ATXN10: variants seen among roughly 807,000 people sequenced by gnomAD.
The protein encoded by ATXN10 is ataxin-10.
ATXN10 carries 28 observed loss-of-function variants against 52.9 expected under a neutral mutation model. That is an observed-to-expected ratio of 0.53 (90% CI 0.39 to 0.73). The LOEUF (loss-of-function observed/expected upper bound fraction) is 0.73. Among genes scored for constraint, ATXN10 ranks in the 30% least tolerant of loss-of-function variants. ATXN10 has a pLI of 0.00. For missense variants in ATXN10, 565 were observed against 577.0 expected (o/e 0.98, Z 0.21); for synonymous variants, 226 against 221.5 (o/e 1.02, Z -0.18).
intron 9 of ATXN10, among the ~76,000 whole-genome samples, chr22:45,749,167 C>T (rs1239688383): frequency 2.6e-5 from 4 of 152,178 alleles, no homozygotes; most frequent in Non-Finnish European, 4.4e-5. Context: ...CTGCATATTC[C>T]TCCCTAGGCT....
intron 7 of ATXN10, 21 bp downstream of exon 7, chr22:45,729,611 A>G (rs1304527643): frequency 6.2e-7 from 1 of 1,613,560 alleles, no homozygotes; most frequent in Non-Finnish European, 8.5e-7. Context: ...CAGATTTCCC[A>G]ATCTCGGGTA....
intron 5 of ATXN10, among the ~76,000 whole-genome samples, chr22:45,707,445 C>T (rs1267640047): frequency 6.6e-6 from 1 of 152,034 alleles, no homozygotes; most frequent in African/African-American, 2.4e-5. Flanking sequence ...TAGAAAACTT[C>T]CCTTTGTATG....
intron 9 of ATXN10, among the ~76,000 whole-genome samples, chr22:45,776,200 A>G (rs1926949224): frequency 6.6e-6 from 1 of 152,154 alleles, no homozygotes; most frequent in South Asian, 2.1e-4. Flanking sequence ...GATTGTTTCC[A>G]TTTCTTTCTG....
intron 9 of ATXN10, among the ~76,000 whole-genome samples, chr22:45,764,693 G>A (rs1344376154): frequency 6.6e-6 from 1 of 152,314 alleles, no homozygotes; most frequent in South Asian, 2.1e-4. Flanking sequence ...ATTCAGAACG[G>A]TGTAAAATGA....
intron 9 of ATXN10, among the ~76,000 whole-genome samples, chr22:45,767,620 G>A (rs1013177938): frequency 5.9e-5 from 9 of 151,726 alleles, no homozygotes; most frequent in African/African-American, 2.2e-4. Flanking sequence ...TTGAAATCAG[G>A]TATATGTTTT....
At chr22:45,746,685 A>G (rs1192752521) in intron 9 of ATXN10, among the ~76,000 whole-genome samples, 3 of 152,038 alleles carry the variant, frequency 2.0e-5, no homozygotes, top group Non-Finnish European at 2.9e-5. Context: ...TCCCTGAGTG[A>G]CCTTAACTTG....
chr22:45,709,475 G>C (rs1924162651), intron 5 of ATXN10, among the ~76,000 whole-genome samples: 1 of 152,166 alleles, frequency 6.6e-6, no homozygotes, highest in Admixed American at 6.5e-5. Flanking sequence ...GATGTCATCA[G>C]TATCTGTCTC....
rs770135166 is a variant in ATXN10, at chr22:45,689,916, G to A, written c.308+13G>A. On this transcript the variant is annotated intron_variant, in intron 2 of 11. Transcript: ENST00000252934. ...AGAATTCAATCAGGTAGTTACACAC[G>A]TACCTTGGATTCTGTTTCTTTGTAT... is the stretch of plus-strand genomic sequence containing the variant. The A allele has an allele frequency of 8.1e-6, 13 of 1,612,026 alleles. No homozygotes were observed. Among genetic ancestry groups the A allele is most frequent in the Admixed American group, 5.0e-5 (3 of 60,002 alleles).
rs1027934214 is a variant in ATXN10, at chr22:45,835,013, G to A, written c.1238-7978G>A. Among the ~76,000 whole-genome samples the A allele has an allele frequency of 7.2e-5, 11 of 152,168 alleles. No homozygotes were observed. The highest frequency in any genetic ancestry group is 3.9e-4 in the East Asian group (2 of 5,194). On this transcript the variant is annotated intron_variant, in intron 10 of 11. Transcript: ENST00000252934. The surrounding 1 kb of genome is among the most constrained non-coding windows in gnomAD (Gnocchi z 5.0). ...GGGGCTGCCAGACTGTGACTGCTTC[G>A]TACCACGCTTTGCTTTGAAGTGGTC...
intron 10 of ATXN10, among the ~76,000 whole-genome samples, chr22:45,830,470 G>T (rs1601673740): frequency 2.0e-5 from 3 of 152,106 alleles, no homozygotes; most frequent in African/African-American, 7.2e-5. Flanking sequence ...TTTGATAAGG[G>T]ATAGATATCT....
rs1019119954 is a variant in ATXN10, at chr22:45,835,033, G to A, written c.1238-7958G>A. ...GCTTCGTACCACGCTTTGCTTTGAAGTGGTCAGTAAAATGATTCCAGAGCA... is the reference window on the plus strand; with the variant it reads ...GCTTCGTACCACGCTTTGCTTTGAAATGGTCAGTAAAATGATTCCAGAGCA... On this transcript the variant is annotated intron_variant, in intron 10 of 11. Transcript: ENST00000252934. This position sits in a 1 kb window ranked among gnomAD's most constrained non-coding sequence, Gnocchi z 5.0. 6.6e-6 allele frequency among the ~76,000 whole-genome samples: 1 copy of A among 152,238 alleles called. No individual in the cohort carries two copies. The highest frequency in any genetic ancestry group is 6.5e-5 in the Admixed American group (1 of 15,284).
rs990952592 is a variant in ATXN10 at position 45,759,803 on chromosome 22, C to T, written c.1173+19265C>T. Among the ~76,000 whole-genome samples the T allele has an allele frequency of 6.6e-6, 1 of 152,212 alleles. No individual in the cohort carries two copies. The highest frequency in any genetic ancestry group is 6.5e-5 in the Admixed American group (1 of 15,290). The stretch of plus-strand genomic sequence containing the variant: ...ATATAACAGTCAGCACTGTCCATCG[C>T]TTGCTTCTCTCTCTTTCTAATTTAC... On this transcript the variant is annotated intron_variant, in intron 9 of 11. Coordinates refer to ENST00000252934, the MANE Select transcript of ATXN10 (RefSeq NM_013236.4). The surrounding 1 kb of genome is among the most constrained non-coding windows in gnomAD (Gnocchi z 5.4).
intron 9 of ATXN10, among the ~76,000 whole-genome samples, chr22:45,796,736 T>A (rs756574919): frequency 1.3e-5 from 2 of 152,154 alleles, no homozygotes; most frequent in Non-Finnish European, 2.9e-5. Flanking sequence ...GACCTCAAAT[T>A]ATCCTCCCAC....
chr22:45,683,329 C>T lies in ATXN10; in HGVS notation c.117-6383C>T, dbSNP rs187081300. Among the ~76,000 whole-genome samples, 98 of 152,190 alleles carry T rather than the reference C, an allele frequency of 6.4e-4. No homozygotes were observed. The highest frequency in any genetic ancestry group is 4.1e-3 in the South Asian group (20 of 4,822). ...GCAAAACTCTGTCTCAAAAACAAAA[C>T]GAAAAAAAGAACCTTCCATGGCTTC... On this transcript the variant is annotated intron_variant, in intron 1 of 11. Coordinates refer to ENST00000252934, the MANE Select transcript of ATXN10 (RefSeq NM_013236.4). This position sits in a 1 kb window ranked among gnomAD's most constrained non-coding sequence, Gnocchi z 4.8.
chr22:45,802,065 C>T (rs541244505), intron 9 of ATXN10, among the ~76,000 whole-genome samples: 4 of 152,342 alleles, frequency 2.6e-5, no homozygotes, highest in Admixed American at 1.3e-4. Flanking sequence ...GTACCCTTAG[C>T]GGAGTGCCTA....
At chr22:45,801,354 A>G (rs886821813) in intron 9 of ATXN10, among the ~76,000 whole-genome samples, 3 of 152,212 alleles carry the variant, frequency 2.0e-5, no homozygotes, top group Non-Finnish European at 4.4e-5. Context: ...TTTTCTCTCT[A>G]GAGAGTGTCT....
At chr22:45,793,893 G>A in intron 9 of ATXN10, 1 of 1,247,450 alleles carries the variant, frequency 8.0e-7, no homozygotes, top group South Asian at 3.6e-5. Flanking sequence ...GCAGTGTATA[G>A]CAGCAGCAGA....
chr22:45,807,465 A>G (rs1017810179), intron 10 of ATXN10, among the ~76,000 whole-genome samples: 3 of 152,068 alleles, frequency 2.0e-5, no homozygotes, highest in South Asian at 2.1e-4. Context: ...CATGAGGAGC[A>G]CTCTGGCTCC....
At chr22:45,777,535 C>A (rs1009327625) in intron 9 of ATXN10, among the ~76,000 whole-genome samples, 1 of 152,212 alleles carries the variant, frequency 6.6e-6, no homozygotes, top group Non-Finnish European at 1.5e-5. Context: ...CAGCTATGTT[C>A]AGCCTCACGT....
Sources: gnomAD v4.1 joint callset for allele counts (sites outside exome capture counted in the v4.1 genomes callset) on GRCh38, gnomAD v4.1.1 for gene constraint, Gnocchi (gnomAD v3.1) non-coding constraint, MANE v1.5 for transcripts, NCBI Gene and HGNC (gene_info 2026-07-23, HGNC 2026-07-21) for gene names.